SHCBP1L: variants seen among roughly 807,000 people sequenced by gnomAD.
SHCBP1L encodes the protein SHC binding and spindle associated 1 like, also known as testicular spindle-associated protein SHCBP1L.
In SHCBP1L, 67 loss-of-function variants were observed where a neutral mutation model predicts 62.5. The ratio of observed to expected loss-of-function variants is 1.07; its 90% CI spans 0.88 to 1.31. The LOEUF (loss-of-function observed/expected upper bound fraction) is 1.31, where lower values mean the gene tolerates loss of function less well. Among genes scored for constraint, SHCBP1L ranks in the 40% most tolerant of loss-of-function variants. The pLI, the probability that SHCBP1L is intolerant of heterozygous loss-of-function variation, is 0.00. For synonymous variants in SHCBP1L, 284 were observed against 289.4 expected (o/e 0.98, Z 0.19); for missense variants, 823 against 809.8 (o/e 1.02, Z -0.20).
At chr1:182,947,251 A>AT (rs1167217443) in intron 2 of SHCBP1L, among the ~76,000 whole-genome samples, 1 of 151,882 alleles carries the variant, frequency 6.6e-6, no homozygotes, top group African/African-American at 2.4e-5. Flanking sequence ...AAAAAAAAAA[A>AT]AAAAAAATCA....
At chr1:182,923,264 G>GGT (rs969852155) in intron 6 of SHCBP1L, among the ~76,000 whole-genome samples, 1 of 152,074 alleles carries the variant, frequency 6.6e-6, no homozygotes, top group Non-Finnish European at 1.5e-5. Flanking sequence ...ATCAGAAAAA[G>GGT]CCCTGAATGA....
At chr1:182,917,498 C>A (rs2101929750) in intron 6 of SHCBP1L, among the ~76,000 whole-genome samples, 1 of 152,266 alleles carries the variant, frequency 6.6e-6, no homozygotes, top group East Asian at 1.9e-4. Context: ...CCCATCTCGG[C>A]CTCCCAGAGT....
chr1:182,929,855 T>C (rs1352090255), intron 5 of SHCBP1L, 103 bp from the exon 6 acceptor site: 1 of 719,988 alleles, frequency 1.4e-6, no homozygotes, highest in African/African-American at 1.9e-5. Flanking sequence ...TTGAGAAATG[T>C]TTTCATCAAT....
chr1:182,923,689 T>C (rs912694024), intron 6 of SHCBP1L, among the ~76,000 whole-genome samples: 9 of 152,162 alleles, frequency 5.9e-5, no homozygotes, highest in Non-Finnish European at 1.0e-4. Context: ...ATTCAACATC[T>C]ATTCATCTTA....
chr1:182,948,230 A>G (rs528531049), intron 2 of SHCBP1L, among the ~76,000 whole-genome samples: 7 of 152,230 alleles, frequency 4.6e-5, no homozygotes, highest in African/African-American at 1.7e-4. Flanking sequence ...TTGGTTGGTT[A>G]TTGTATGAAT....
chr1:182,924,779 A>AGAAAGAAAGAAG, intron 6 of SHCBP1L, among the ~76,000 whole-genome samples: 1 of 102,408 alleles, frequency 9.8e-6, no homozygotes, highest in Non-Finnish European at 1.7e-5. Context: ...AAAGAAAGAA[A>AGAAAGAAAGAAG]GAAAGAAAGA....
At chr1:182,945,968 G>A (rs1392670333) in intron 2 of SHCBP1L, among the ~76,000 whole-genome samples, 2 of 151,532 alleles carry the variant, frequency 1.3e-5, no homozygotes, top group African/African-American at 4.9e-5. Flanking sequence ...GCTGAGGCAT[G>A]AGAATTGCTT....
chr1:182,921,967 T>G (rs1171663080), intron 6 of SHCBP1L, among the ~76,000 whole-genome samples: 1 of 151,792 alleles, frequency 6.6e-6, no homozygotes, highest in East Asian at 1.9e-4. Flanking sequence ...ACCAAGCAAA[T>G]GGAAAACCAA....
chr1:182,900,114 T>G lies in SHCBP1L; in HGVS notation c.1831A>C (p.Lys611Gln). ...TTTTTATCTCCTGAAGAAGCCCTTT[T>G]GTTGAGAGCTTCTTCTGCTACGATA... is the stretch of plus-strand genomic sequence containing the variant. ...FFIVAEEALNKRASSGDKKDD... is the reference protein window; with the variant it reads ...FFIVAEEALNQRASSGDKKDD... The change falls in exon 10 of 10, where the codon AAA becomes CAA. Residue 611 changes from lysine (K) to glutamine (Q), a missense_variant. Physicochemically the swap from Lys to Gln is moderately conservative, Grantham distance 53 (BLOSUM62 1). Transcript: ENST00000367547. The G allele has an allele frequency of 6.2e-7, 1 of 1,612,748 alleles. No homozygotes were observed. Among genetic ancestry groups the G allele is most frequent in the Non-Finnish European group, 8.5e-7 (1 of 1,179,250 alleles).
intron 6 of SHCBP1L, among the ~76,000 whole-genome samples, chr1:182,910,091 G>A (rs1650131837): frequency 6.6e-6 from 1 of 152,170 alleles, no homozygotes; most frequent in South Asian, 2.1e-4. Context: ...GAGAGGAGAG[G>A]TTAAAGACAC....
chr1:182,943,550 G>A (rs796558471), intron 2 of SHCBP1L, among the ~76,000 whole-genome samples: 7 of 151,108 alleles, frequency 4.6e-5, no homozygotes, highest in Non-Finnish European at 8.9e-5. Context: ...AGGTTCAAGC[G>A]ATTCTCCAGC....
At chr1:182,930,651 ATATGTGTG>A (rs1197439040) in intron 5 of SHCBP1L, among the ~76,000 whole-genome samples, 30 of 50,016 alleles carry the variant, frequency 6.0e-4, no homozygotes, top group Non-Finnish European at 9.6e-4. Context: ...GCCCTGGAGT[ATATGTGTG>A]TGTGTGTGTG....
intron 1 of SHCBP1L, among the ~76,000 whole-genome samples, chr1:182,952,235 T>C (rs6679975): frequency 0.23 from 9,705 of 41,986 alleles, 1,107 homozygotes; most frequent in African/African-American, 0.43. Flanking sequence ...TATATATATA[T>C]ACACACACAC....
At chr1:182,916,259 G>T (rs1304921906) in intron 6 of SHCBP1L, among the ~76,000 whole-genome samples, 3 of 152,028 alleles carry the variant, frequency 2.0e-5, no homozygotes, top group Non-Finnish European at 4.4e-5. Context: ...AGCAGTAAAT[G>T]CCTACATTAA....
rs191229707 is a variant in SHCBP1L at position 182,911,048 on chromosome 1, C to T, written c.1183-5399G>A. On this transcript the variant is annotated intron_variant, in intron 6 of 9. Transcript: ENST00000367547. ...GGGATTACAGGTGTGCACCACTATG[C>T]CCAGCTAATTTCTGTATTTTTAGTA... Among the ~76,000 whole-genome samples the T allele has an allele frequency of 7.0e-3, 1,071 of 152,130 alleles. 6 individuals carry two copies. Among genetic ancestry groups the T allele is most frequent in the Non-Finnish European group, 0.011 (777 of 67,982 alleles).
intron 2 of SHCBP1L, among the ~76,000 whole-genome samples, chr1:182,940,998 C>T (rs532904869): frequency 3.3e-5 from 5 of 152,206 alleles, no homozygotes; most frequent in African/African-American, 1.2e-4. Context: ...ACTACAGGAA[C>T]ATGCCACTGT....
In SHCBP1L at chr1:182,927,081, T is replaced by G; in HGVS notation, c.1182+2566A>C. 6.4e-5 allele frequency among the ~76,000 whole-genome samples: 2 copies of G among 31,058 alleles called. 1 individual carries two copies. Among genetic ancestry groups the G allele is most frequent in the African/African-American group, 2.7e-4 (2 of 7,444 alleles). The allele number at this position is 31,058 out of a possible 152,430, so 20.4% of individuals were successfully genotyped here. Reference sequence around the variant, plus strand: ...ATATATATATATATATATATATATATATATATATATATATATATATATATA... The same window carrying G: ...ATATATATATATATATATATATATAGATATATATATATATATATATATATA... On this transcript the variant is annotated intron_variant, in intron 6 of 9. Coordinates refer to ENST00000367547, the MANE Select transcript of SHCBP1L (RefSeq NM_030933.4).
intron 5 of SHCBP1L, among the ~76,000 whole-genome samples, chr1:182,933,349 T>G (rs998263393): frequency 2.6e-5 from 4 of 152,230 alleles, no homozygotes; most frequent in Non-Finnish European, 5.9e-5. Context: ...CTAATTGCTC[T>G]GGCTAGAACC....
Position 182,936,141 on chromosome 1 carries a change from T to G in SHCBP1L, c.1076+3035A>C, listed in dbSNP as rs1257407708. ...CTTTTTTGTTTTTTGTTTTTTTTTT[T>G]TTTTTTTTTTTTGAGACAGAGTCTT... On this transcript the variant is annotated intron_variant, in intron 5 of 9. Transcript: ENST00000367547. Among the ~76,000 whole-genome samples the G allele has an allele frequency of 5.7e-5, 8 of 141,294 alleles. No homozygotes were observed. The East Asian group carries it at 6.1e-4, about 11-fold the overall frequency. 92.7% of individuals were successfully genotyped at this position (141,294 alleles called of 152,430 possible). A position where few individuals can be genotyped will look rare whatever the true frequency, so the allele number is the denominator to read the frequency against.
Sources: allele counts gnomAD v4.1 joint callset (sites outside exome capture counted in the v4.1 genomes callset), GRCh38; gene constraint gnomAD v4.1.1; transcripts MANE v1.5; gene names NCBI Gene and HGNC (gene_info 2026-07-23, HGNC 2026-07-21).